MAGI1: variants seen among roughly 807,000 people sequenced by gnomAD.
MAGI1 encodes membrane associated guanylate kinase, WW and PDZ domain containing 1, also known as membrane-associated guanylate kinase, WW and PDZ domain-containing protein 1.
Under a neutral mutation model 139.9 loss-of-function variants are expected in MAGI1, and 58 were observed. The observed-to-expected ratio is 0.41, with a 90% CI of 0.34 to 0.52. MAGI1 has a LOEUF of 0.52. Ranked by LOEUF, MAGI1 falls within the 20% of genes least tolerant of loss-of-function variation. The pLI is 0.12. For missense variants in MAGI1, 1,874 were observed against 1,901.6 expected, an observed-to-expected ratio of 0.99 and a Z score of 0.27; for synonymous variants, 812 against 737.9, an observed-to-expected ratio of 1.10 and a Z score of -1.63.
intron 2 of MAGI1, among the ~76,000 whole-genome samples, chr3:65,494,443 G>C (rs1490488898): frequency 1.3e-5 from 2 of 152,074 alleles, no homozygotes; most frequent in Non-Finnish European, 2.9e-5. Context: ...TGGAAGCAAT[G>C]AGCAGAATGT....
At chr3:65,719,017 C>CAAAAAAAA (rs57290579) in intron 1 of MAGI1, among the ~76,000 whole-genome samples, 1 of 96,386 alleles carries the variant, frequency 1.0e-5, no homozygotes, top group Non-Finnish European at 2.1e-5. Context: ...ATAACCCTAC[C>CAAAAAAAA]AAAAAAAAAA....
chr3:65,446,947 T>C (rs1225818065), intron 7 of MAGI1, among the ~76,000 whole-genome samples: 4 of 152,218 alleles, frequency 2.6e-5, no homozygotes, highest in African/African-American at 9.6e-5. Flanking sequence ...ATCATAATTC[T>C]AGCCAACCAT....
intron 1 of MAGI1, among the ~76,000 whole-genome samples, chr3:65,919,905 C>A (rs1228237904): frequency 6.6e-6 from 1 of 152,116 alleles, no homozygotes; most frequent in East Asian, 1.9e-4. Flanking sequence ...CCCCTTTTAA[C>A]TTTTTTCAAT....
At chr3:65,711,339 G>A (rs11922649) in intron 1 of MAGI1, among the ~76,000 whole-genome samples, 12,082 of 152,146 alleles carry the variant, frequency 0.079, 1,240 homozygotes, top group East Asian at 0.3. Context: ...CTTTGAACAG[G>A]CTTCAGATTT....
intron 6 of MAGI1, among the ~76,000 whole-genome samples, chr3:65,449,875 A>T (rs1280714574): frequency 6.6e-6 from 1 of 152,214 alleles, no homozygotes; most frequent in Admixed American, 6.5e-5. Context: ...TTCTCAACAG[A>T]GTAAGATACA....
At position 65,935,014 on chromosome 3, in the gene MAGI1, G is replaced by C. The variant is rs141704332; in HGVS notation, c.313+102982C>G. Among the ~76,000 whole-genome samples the C allele has an allele frequency of 6.6e-5, 10 of 152,208 alleles. No individual in the cohort carries two copies. In the East Asian group the frequency reaches 1.9e-3, roughly 29 times the overall value. On this transcript the variant is annotated intron_variant, in intron 1 of 22. Coordinates refer to ENST00000402939, the MANE Select transcript of MAGI1 (RefSeq NM_001033057.2). ...AACAAAAAGTAAACATTCCAGTAAA[G>C]GAATGATTAGTGCTATTATGACAAG...
chr3:65,503,626 T>A lies in MAGI1; in HGVS notation c.431-9995A>T, dbSNP rs539336056. Among the ~76,000 whole-genome samples the A allele has an allele frequency of 2.0e-5, 3 of 152,312 alleles. No homozygotes were observed. The South Asian group carries it at 6.2e-4, about 32-fold the overall frequency. ...TTGGGATCAGCAGACCATTTCAGGT[T>A]CCATCTTGCATGGAAGAACACTGTG... is the stretch of plus-strand genomic sequence containing the variant. On this transcript the variant is annotated intron_variant, in intron 2 of 22. Coordinates refer to ENST00000402939, the MANE Select transcript of MAGI1 (RefSeq NM_001033057.2).
chr3:65,958,185 A>C (rs1469038325), intron 1 of MAGI1, among the ~76,000 whole-genome samples: 1 of 152,218 alleles, frequency 6.6e-6, no homozygotes, highest in African/African-American at 2.4e-5. Context: ...TAAAACAAAA[A>C]AGTAGGGACA....
intron 1 of MAGI1, among the ~76,000 whole-genome samples, chr3:65,845,157 AG>A (rs34734753): frequency 0.03 from 4,578 of 152,142 alleles, 100 homozygotes; most frequent in Middle Eastern, 0.037. Context: ...AAGGTGAGGC[AG>A]GAGAATCACT....
chr3:66,024,824 C>T (rs1207281078), intron 1 of MAGI1, among the ~76,000 whole-genome samples: 1 of 151,892 alleles, frequency 6.6e-6, no homozygotes, highest in Non-Finnish European at 1.5e-5. Flanking sequence ...AACAAACAAA[C>T]AAAAAACTAC....
chr3:65,414,954 G>A (rs752289416), intron 12 of MAGI1, among the ~76,000 whole-genome samples: 2 of 149,330 alleles, frequency 1.3e-5, no homozygotes, highest in Non-Finnish European at 3.0e-5. Context: ...GCTTGAACCC[G>A]GGAGGCAGAG....
intron 1 of MAGI1, among the ~76,000 whole-genome samples, chr3:65,713,837 A>T (rs1434120598): frequency 6.6e-6 from 1 of 152,226 alleles, no homozygotes. Context: ...ACCACCAGGC[A>T]CTAATTTAGC....
rs150584530 is a variant in MAGI1, at chr3:65,438,431, T to C, written c.1271-1184A>G. 4.5e-3 allele frequency among the ~76,000 whole-genome samples: 690 copies of C among 152,332 alleles called. 4 individuals carry two copies. Among genetic ancestry groups the C allele is most frequent in the African/African-American group, 0.016 (663 of 41,576 alleles). Reference sequence around the variant, plus strand: ...TACTTAATGGGTACAATGTATACTATTTGGGTAATGGTTACACTAAAAGTC... The same window carrying C: ...TACTTAATGGGTACAATGTATACTACTTGGGTAATGGTTACACTAAAAGTC... On this transcript the variant is annotated intron_variant, in intron 9 of 22. Coordinates refer to ENST00000402939, the MANE Select transcript of MAGI1 (RefSeq NM_001033057.2).
intron 1 of MAGI1, among the ~76,000 whole-genome samples, chr3:66,020,310 G>A (rs370264650): frequency 2.6e-5 from 4 of 152,116 alleles, no homozygotes; most frequent in Non-Finnish European, 5.9e-5. Context: ...GGTGGTGCAC[G>A]CCTACAATCC....
Position 66,034,088 on chromosome 3 carries a change from C to A in MAGI1, c.313+3908G>T, listed in dbSNP as rs1381602154. 6.6e-5 allele frequency among the ~76,000 whole-genome samples: 10 copies of A among 152,146 alleles called. No individual in the cohort carries two copies. The East Asian group carries it at 1.9e-3, about 29-fold the overall frequency. On this transcript the variant is annotated intron_variant, in intron 1 of 22. Transcript: ENST00000402939. ...GTTCTTAAAACTGAACCCTTGAATCCCTTAATAAGCCCATCAGAATCCCTT... is the reference window on the plus strand; with the variant it reads ...GTTCTTAAAACTGAACCCTTGAATCACTTAATAAGCCCATCAGAATCCCTT...
At chr3:65,497,857 T>G (rs1448661039) in intron 2 of MAGI1, among the ~76,000 whole-genome samples, 1 of 152,128 alleles carries the variant, frequency 6.6e-6, no homozygotes, top group African/African-American at 2.4e-5. Flanking sequence ...ATAAATATGC[T>G]TAGGATGCCT....
chr3:65,727,520 GC>G (rs1254517515), intron 1 of MAGI1, among the ~76,000 whole-genome samples: 2 of 152,146 alleles, frequency 1.3e-5, no homozygotes, highest in African/African-American at 2.4e-5. Context: ...GTGTGCCATT[GC>G]CCCTGGCTCT....
At chr3:65,876,768 GA>G (rs1393646120) in intron 1 of MAGI1, among the ~76,000 whole-genome samples, 35 of 142,660 alleles carry the variant, frequency 2.5e-4, no homozygotes, top group Admixed American at 2.2e-3. Context: ...TTTTGAGACA[GA>G]GTCTTGCTCT....
intron 1 of MAGI1, among the ~76,000 whole-genome samples, chr3:65,752,234 C>G (rs2036214738): frequency 6.6e-6 from 1 of 152,106 alleles, no homozygotes; most frequent in Admixed American, 6.5e-5. Flanking sequence ...CAAGAGTGAC[C>G]CACTGCAAAG....
Sources: gnomAD v4.1 joint callset for allele counts (sites outside exome capture counted in the v4.1 genomes callset) on GRCh38, gnomAD v4.1.1 for gene constraint, MANE v1.5 for transcripts, NCBI Gene and HGNC (gene_info 2026-07-23, HGNC 2026-07-21) for gene names.